SLC35C1: variants seen among roughly 807,000 people sequenced by gnomAD.
SLC35C1 encodes the protein GDP-fucose transporter 1.
SLC35C1 carries 8 observed loss-of-function variants against 23.2 expected under a neutral mutation model. The observed-to-expected ratio is 0.35, with a 90% CI of 0.20 to 0.62. The LOEUF (loss-of-function observed/expected upper bound fraction) is 0.62, where lower values mean the gene tolerates loss of function less well. Among genes scored for constraint, SLC35C1 ranks in the 20% least tolerant of loss-of-function variants. SLC35C1 has a pLI of 0.75. For missense variants in SLC35C1, 422 were observed against 478.6 expected, an observed-to-expected ratio of 0.88 and a Z score of 1.10; for synonymous variants, 226 against 225.1, an observed-to-expected ratio of 1.00 and a Z score of -0.04.
Position 45,805,710 on chromosome 11 carries a change from G to T in SLC35C1, c.-92G>T. ...CCCACATGTGACAATGGAGGGCTGC[G>T]GCTTCCTTGCGGAGAGCACAAGTGA... On this transcript the variant is annotated 5_prime_UTR_variant, in exon 1 of 2. Transcript: ENST00000314134. The T allele has an allele frequency of 6.3e-7, 1 of 1,594,078 alleles. No individual in the cohort carries two copies.
intron 1 of SLC35C1, 198 bp from the exon 2 acceptor site, chr11:45,810,578 G>A (rs963893930): frequency 5.1e-6 from 5 of 985,324 alleles, no homozygotes; most frequent in African/African-American, 3.5e-5. Flanking sequence ...CTTGCCCTGG[G>A]CGGCTCCCAT....
intron 1 of SLC35C1, among the ~76,000 whole-genome samples, chr11:45,806,559 A>T (rs532430317): frequency 1.3e-5 from 2 of 152,356 alleles, no homozygotes; most frequent in African/African-American, 4.8e-5. Context: ...TAATAATAGT[A>T]ACAACAGCAG....
chr11:45,807,621 C>T (rs60935266), intron 1 of SLC35C1, among the ~76,000 whole-genome samples: 15,646 of 152,244 alleles, frequency 0.1, 2,007 homozygotes, highest in African/African-American at 0.3. Context: ...AGGCTAGATG[C>T]ACCGGTTGGT....
At chr11:45,806,836 TG>T in intron 1 of SLC35C1, 1 of 950,774 alleles carries the variant, frequency 1.1e-6, no homozygotes, top group Non-Finnish European at 1.3e-6. Flanking sequence ...TCAGGTGTCC[TG>T]ATTTCCCAGC....
At chr11:45,806,582 A>C (rs1230673935) in intron 1 of SLC35C1, among the ~76,000 whole-genome samples, 2 of 152,240 alleles carry the variant, frequency 1.3e-5, no homozygotes, top group Non-Finnish European at 2.9e-5. Flanking sequence ...AAAGCAACTG[A>C]CATTTGTTGA....
upstream of SLC35C1, chr11:45,804,418 G>T: frequency 6.6e-6 from 6 of 911,256 alleles, no homozygotes; most frequent in African/African-American, 1.8e-5. Context: ...TGCACCGGAG[G>T]AGGTGAGCGC....
Position 45,812,682 on chromosome 11 carries a change from C to T in SLC35C1, c.*1347C>T, listed in dbSNP as rs2085963423. ...ATGACCCAATCAGCTCCAAAGGCCC[C>T]ACCTCCTAATACTGTCACCTTGGGG... On this transcript the variant is annotated 3_prime_UTR_variant, in exon 2 of 2. Coordinates refer to ENST00000314134, the MANE Select transcript of SLC35C1 (RefSeq NM_018389.5). The T allele has an allele frequency of 2.2e-6, 1 of 455,956 alleles. No homozygotes were observed. Among genetic ancestry groups the T allele is most frequent in the Non-Finnish European group, 4.4e-6 (1 of 226,742 alleles). The allele number at this position is 455,956 out of a possible 1,614,324, so 28.2% of individuals were successfully genotyped here. A position where few individuals can be genotyped will look rare whatever the true frequency, so the allele number is the denominator to read the frequency against.
At chr11:45,808,432 C>T (rs1413990993) in intron 1 of SLC35C1, among the ~76,000 whole-genome samples, 3 of 152,020 alleles carry the variant, frequency 2.0e-5, no homozygotes, top group Non-Finnish European at 2.9e-5. Context: ...ACCCGGGAGG[C>T]AGAAGTTGCA....
Position 45,805,790 on chromosome 11 carries a change from T to C in SLC35C1, c.-12T>C, listed in dbSNP as rs1590742689. On this transcript the variant is annotated 5_prime_UTR_variant, in exon 1 of 2. Coordinates refer to ENST00000314134, the MANE Select transcript of SLC35C1 (RefSeq NM_018389.5). The stretch of plus-strand genomic sequence containing the variant: ...AGTTCTGGCCGCGGGGTGACCCAGC[T>C]CCTCTGCTACCATGAATAGGGCCCC... 2 of 1,612,122 alleles carry C rather than the reference T, an allele frequency of 1.2e-6. No homozygotes were observed. Among genetic ancestry groups the C allele is most frequent in the Non-Finnish European group, 1.7e-6 (2 of 1,179,960 alleles).
In SLC35C1 at chr11:45,811,238, G is replaced by C. The variant is rs2085942864; in HGVS notation, c.998G>C (p.Gly333Ala). 4 of 1,603,648 alleles carry C rather than the reference G, an allele frequency of 2.5e-6. No homozygotes were observed. The highest frequency in any genetic ancestry group is 3.4e-6 in the Non-Finnish European group (4 of 1,174,090). Reference sequence around the variant, plus strand: ...ACGAGCAACATGATGGTGCTGGGCGGCTCCTCCGCCTACACCTGGGTCAGG... The same window carrying C: ...ACGAGCAACATGATGGTGCTGGGCGCCTCCTCCGCCTACACCTGGGTCAGG... ...WWTSNMMVLG[G>A]SSAYTWVRGW... Residue 333 changes from glycine to alanine, a missense_variant, in exon 2 of 2, where the codon GGC becomes GCC. By Grantham distance (60) the Gly-to-Ala change is moderately conservative (BLOSUM62 0). Coordinates refer to ENST00000314134, the MANE Select transcript of SLC35C1 (RefSeq NM_018389.5).
chr11:45,808,876 C>G (rs1303988395), intron 1 of SLC35C1, among the ~76,000 whole-genome samples: 1 of 151,640 alleles, frequency 6.6e-6, no homozygotes, highest in African/African-American at 2.4e-5. Flanking sequence ...GGTGGCGCAT[C>G]CCTGTAATCC....
chr11:45,810,986 T>C lies in SLC35C1; in HGVS notation c.746T>C (p.Leu249Pro). The C allele has an allele frequency of 1.2e-6, 2 of 1,612,876 alleles. No homozygotes were observed. The highest frequency in any genetic ancestry group is 1.7e-6 in the Non-Finnish European group (2 of 1,180,020). ...CTCTTCCTGCCCCTGCTCCTGCTGC[T>C]CGGGGAGCTTCAGGCCCTGCGTGAC... is the stretch of plus-strand genomic sequence containing the variant. ...CILFLPLLLL[L>P]GELQALRDFA... The change falls in exon 2 of 2, where the codon CTC becomes CCC. Residue 249 changes from leucine (L) to proline (P), a missense_variant. Transcript: ENST00000314134.
rs1161242755 is a variant in SLC35C1, at chr11:45,811,303, A to G, written c.1063A>G (p.Lys355Glu). The change falls in exon 2 of 2, where the codon AAA becomes GAA. Residue 355 changes from lysine to glutamate, a missense_variant. Transcript: ENST00000314134. ...GAAGACTCCGGAGGAGCCCAGCCCC[A>G]AAGACAGCGAGAAGAGCGCCATGGG... ...MKKTPEEPSP[K>E]DSEKSAMGV 1.3e-6 allele frequency: 2 copies of G among 1,544,358 alleles called. No homozygotes were observed. Among genetic ancestry groups the G allele is most frequent in the East Asian group, 2.3e-5 (1 of 44,274 alleles).
upstream of SLC35C1, chr11:45,804,732 G>A (rs935754543): frequency 2.5e-5 from 25 of 985,558 alleles, no homozygotes; most frequent in African/African-American, 5.2e-5. Context: ...GGAAGAGTGA[G>A]CTCGGATTGG....
chr11:45,809,546 AGGCTTCACACCAG>A (rs1394762272), intron 1 of SLC35C1, among the ~76,000 whole-genome samples: 2 of 152,156 alleles, frequency 1.3e-5, no homozygotes, highest in Non-Finnish European at 2.9e-5. Context: ...AGCCACAGAG[AGGCTTCACACCAG>A]GGCACAGCCT....
rs1031203954 is a variant in SLC35C1, at chr11:45,811,825, C to T, written c.*490C>T. On this transcript the variant is annotated 3_prime_UTR_variant, in exon 2 of 2. Transcript: ENST00000314134. ...GTGGGCAGGCAGCCTCACCCTGGGC[C>T]CACAGACCGGCCTTCCTTTGGAGGA... The T allele has an allele frequency of 6.4e-6, 1 of 155,930 alleles. No homozygotes were observed. The highest frequency in any genetic ancestry group is 2.4e-5 in the African/African-American group (1 of 41,496). The allele number at this position is 155,930 out of a possible 1,614,324, so 9.7% of individuals were successfully genotyped here.
At chr11:45,807,114 G>A (rs1389160603) in intron 1 of SLC35C1, among the ~76,000 whole-genome samples, 2 of 152,162 alleles carry the variant, frequency 1.3e-5, no homozygotes, top group Non-Finnish European at 2.9e-5. Context: ...GGAAACTGAG[G>A]CTCAGAGATG....
Position 45,812,874 on chromosome 11 carries a change from T to TA in SLC35C1, c.*1540dup, listed in dbSNP as rs1447199834. The TA allele has an allele frequency of 2.9e-6, 1 of 346,018 alleles. No homozygotes were observed. The highest frequency in any genetic ancestry group is 5.7e-6 in the Non-Finnish European group (1 of 174,406). The allele number at this position is 346,018 out of a possible 1,614,324, so 21.4% of individuals were successfully genotyped here. A position where few individuals can be genotyped will look rare whatever the true frequency, so the allele number is the denominator to read the frequency against. On this transcript the variant is annotated 3_prime_UTR_variant, in exon 2 of 2. Coordinates refer to ENST00000314134, the MANE Select transcript of SLC35C1 (RefSeq NM_018389.5). ...CTCTTGGGGTGATTTCTGATGTTTTTACTCTATATAGTGAAAAGCTAGGGA... is the reference window on the plus strand; with the variant it reads ...CTCTTGGGGTGATTTCTGATGTTTTTAACTCTATATAGTGAAAAGCTAGGGA...
In SLC35C1 at chr11:45,811,457, T is replaced by C. The variant is rs1467763343; in HGVS notation, c.*122T>C. 3.5e-5 allele frequency: 26 copies of C among 743,886 alleles called. No individual in the cohort carries two copies. Among genetic ancestry groups the C allele is most frequent in the Middle Eastern group, 3.9e-4 (1 of 2,590 alleles). The allele number at this position is 743,886 out of a possible 1,614,324, so 46.1% of individuals were successfully genotyped here. A position where few individuals can be genotyped will look rare whatever the true frequency, so the allele number is the denominator to read the frequency against. ...TGTGGTGTGGACTGGGTGCTACTTATAGACCCAATCAGAATACGGTGGTTG... is the reference window on the plus strand; with the variant it reads ...TGTGGTGTGGACTGGGTGCTACTTACAGACCCAATCAGAATACGGTGGTTG... On this transcript the variant is annotated 3_prime_UTR_variant, in exon 2 of 2. Coordinates refer to ENST00000314134, the MANE Select transcript of SLC35C1 (RefSeq NM_018389.5).
Sources: allele counts gnomAD v4.1 joint callset (sites outside exome capture counted in the v4.1 genomes callset), GRCh38; gene constraint gnomAD v4.1.1; transcripts MANE v1.5; gene names NCBI Gene and HGNC (gene_info 2026-07-23, HGNC 2026-07-21).